Variants in SPATS2 observed in about 807,000 individuals in gnomAD.
SPATS2 encodes the protein spermatogenesis-associated serine-rich protein 2.
In SPATS2, 38 loss-of-function variants were observed where a neutral mutation model predicts 63.7. The ratio of observed to expected loss-of-function variants is 0.60; its 90% CI spans 0.46 to 0.78. The LOEUF is 0.78. Ranked by LOEUF, SPATS2 falls within the 30% of genes least tolerant of loss-of-function variation. The probability of loss-of-function intolerance (pLI) is 0.00; values close to 1 mark genes in which losing one functional copy is unlikely to be tolerated. For synonymous variants in SPATS2, 207 were observed against 232.9 expected (o/e 0.89, Z 1.01); for missense variants, 588 against 666.2 (o/e 0.88, Z 1.29).
chr12:49,376,092 ATTTTT>A (rs749954777), intron 2 of SPATS2, among the ~76,000 whole-genome samples: 4 of 81,080 alleles, frequency 4.9e-5, no homozygotes, highest in South Asian at 4.4e-4. Flanking sequence ...ACCTGGCCTG[ATTTTT>A]TTTTTTTTTT....
chr12:49,438,871 G>A (rs1945365100), intron 2 of SPATS2, among the ~76,000 whole-genome samples: 1 of 152,142 alleles, frequency 6.6e-6, no homozygotes, highest in Admixed American at 6.5e-5. Context: ...TCTAGGCCTA[G>A]GGATACAAGA....
intron 2 of SPATS2, among the ~76,000 whole-genome samples, chr12:49,455,602 A>G (rs1945706060): frequency 6.6e-6 from 1 of 151,906 alleles, no homozygotes; most frequent in Non-Finnish European, 1.5e-5. Context: ...TTGTCAAGGT[A>G]GGATCTTACT....
chr12:49,451,082 G>A (rs981155513), intron 2 of SPATS2, among the ~76,000 whole-genome samples: 16 of 151,610 alleles, frequency 1.1e-4, no homozygotes, highest in Admixed American at 6.6e-4. Flanking sequence ...ATGTTGGCTA[G>A]GCTGGTCTCT....
At chr12:49,509,810 CAA>C (rs60064985) in intron 9 of SPATS2, among the ~76,000 whole-genome samples, 14 of 71,794 alleles carry the variant, frequency 2.0e-4, no homozygotes, top group Admixed American at 3.2e-4. Context: ...GAGCAAGTCT[CAA>C]AAAAAAAAAA....
chr12:49,423,928 C>T (rs746587059), intron 2 of SPATS2, among the ~76,000 whole-genome samples: 47 of 152,068 alleles, frequency 3.1e-4, no homozygotes, highest in Admixed American at 1.0e-3. Context: ...TCAGACCAGG[C>T]GCAGTGGCTC....
rs1054073123 is a variant in SPATS2, at chr12:49,371,261, A to C, written c.-273A>C. 1 of 152,212 alleles carries C rather than the reference A, an allele frequency of 6.6e-6. No homozygotes were observed. Among genetic ancestry groups the C allele is most frequent in the East Asian group, 1.9e-4 (1 of 5,196 alleles). The allele number at this position is 152,212 out of a possible 1,614,324, so 9.4% of individuals were successfully genotyped here. A position where few individuals can be genotyped will look rare whatever the true frequency, so the allele number is the denominator to read the frequency against. ...TACCAATATTCTACTTTCTGTCTCT[A>C]TGAATGTGACTACCCTGGTTACCTC... On this transcript the variant is annotated 5_prime_UTR_variant, in exon 2 of 14. The change abolishes an upstream ATG in the 5' untranslated region. Transcript: ENST00000552918.
chr12:49,367,243 G>C (rs1943912802), upstream of SPATS2: 1 of 270,254 alleles, frequency 3.7e-6, no homozygotes. Context: ...CGCCGGATTC[G>C]CGCCGGCGCG....
intron 10 of SPATS2, among the ~76,000 whole-genome samples, chr12:49,516,551 C>G (rs1200418260): frequency 2.0e-5 from 3 of 151,384 alleles, no homozygotes; most frequent in Non-Finnish European, 4.4e-5. Context: ...ACTAAAAATA[C>G]AAAAATTAGC....
intron 2 of SPATS2, among the ~76,000 whole-genome samples, chr12:49,436,627 C>T (rs1945300650): frequency 7.3e-6 from 1 of 136,084 alleles, no homozygotes; most frequent in Admixed American, 7.1e-5. Flanking sequence ...CACCTCCCTC[C>T]CGGACGGGGC....
chr12:49,369,085 G>C (rs1943954783), intron 1 of SPATS2, among the ~76,000 whole-genome samples: 1 of 134,036 alleles, frequency 7.5e-6, no homozygotes, highest in Non-Finnish European at 1.5e-5. Context: ...GCCCAGGCTA[G>C]AGTGCAGTGG....
intron 2 of SPATS2, among the ~76,000 whole-genome samples, chr12:49,436,990 C>T (rs1339757375): frequency 2.0e-5 from 3 of 151,462 alleles, no homozygotes; most frequent in East Asian, 2.0e-4. Context: ...CGGACTGGGG[C>T]GGCTGGCCGG....
intron 10 of SPATS2, 88 bp from the exon 11 acceptor site, chr12:49,518,985 C>T: frequency 1.9e-6 from 2 of 1,055,712 alleles, no homozygotes; most frequent in Non-Finnish European, 2.7e-6. Context: ...TTTGGCTGAC[C>T]AAATACCTAC....
chr12:49,407,509 G>A (rs915852921), intron 2 of SPATS2, among the ~76,000 whole-genome samples: 3 of 152,130 alleles, frequency 2.0e-5, no homozygotes, highest in African/African-American at 7.2e-5. Flanking sequence ...TAAGATGCCA[G>A]GTTGTTTCTT....
chr12:49,476,157 A>G (rs886306295), intron 3 of SPATS2, among the ~76,000 whole-genome samples: 1 of 152,118 alleles, frequency 6.6e-6, no homozygotes. Context: ...CAGCAGGAAG[A>G]CACACAGGTG....
At chr12:49,478,217 G>A (rs1946151396) in intron 3 of SPATS2, among the ~76,000 whole-genome samples, 2 of 152,076 alleles carry the variant, frequency 1.3e-5, no homozygotes, top group Admixed American at 1.3e-4. Context: ...GGCCTCAGGC[G>A]ATACTCCTAT....
intron 2 of SPATS2, among the ~76,000 whole-genome samples, chr12:49,422,155 C>T (rs1000886483): frequency 6.6e-6 from 1 of 152,154 alleles, no homozygotes; most frequent in Non-Finnish European, 1.5e-5. Context: ...TTCTCTAGCA[C>T]ATTCCTGATG....
At chr12:49,482,364 G>A (rs906608136) in intron 3 of SPATS2, among the ~76,000 whole-genome samples, 1 of 152,294 alleles carries the variant, frequency 6.6e-6, no homozygotes, top group East Asian at 1.9e-4. Context: ...TCTCTGAGGG[G>A]TAGCTGTGGG....
intron 1 of SPATS2, among the ~76,000 whole-genome samples, chr12:49,368,261 C>T (rs939449611): frequency 4.6e-5 from 7 of 152,080 alleles, no homozygotes; most frequent in Non-Finnish European, 1.0e-4. Context: ...GAGTACAAGC[C>T]GTTCTTTAAA....
chr12:49,385,467 A>G (rs1944298874), intron 2 of SPATS2, among the ~76,000 whole-genome samples: 1 of 151,854 alleles, frequency 6.6e-6, no homozygotes, highest in Admixed American at 6.6e-5. Context: ...ATATTTGAGG[A>G]AAGATCTAAA....
Sources: allele counts gnomAD v4.1 joint callset (sites outside exome capture counted in the v4.1 genomes callset), GRCh38; gene constraint gnomAD v4.1.1; transcripts MANE v1.5; gene names NCBI Gene and HGNC (gene_info 2026-07-23, HGNC 2026-07-21).